Variants in CYP2W1 observed in about 807,000 individuals in gnomAD.
CYP2W1 encodes cytochrome P450 2W1.
Under a neutral mutation model 44.9 loss-of-function variants are expected in CYP2W1, and 51 were observed. The ratio of observed to expected loss-of-function variants is 1.14; its 90% CI spans 0.91 to 1.43. The LOEUF is 1.43. Ranked by LOEUF, CYP2W1 falls within the 40% of genes most tolerant of loss-of-function variation. CYP2W1 has a pLI of 0.00. For missense variants in CYP2W1, 746 were observed against 700.0 expected (o/e 1.07, Z -0.74); for synonymous variants, 383 against 338.3 (o/e 1.13, Z -1.45).
intron 7 of CYP2W1, 66 bp downstream of exon 7, chr7:987,597 C>A: frequency 1.4e-6 from 2 of 1,395,890 alleles, no homozygotes; most frequent in Non-Finnish European, 9.5e-7. Flanking sequence ...GGTCCAGGGG[C>A]ACTGGGACGG....
rs1848068709 is a variant in CYP2W1, at chr7:983,363, A to G, written c.152A>G (p.Gln51Arg). ...VGNLHLLRLS[Q>R]QDRSLMELSE... The stretch of plus-strand genomic sequence containing the variant: ...AACCTGCACTTGCTGCGTCTGTCGC[A>G]ACAGGACCGGTCCCTGATGGAGGTA... The change falls in exon 1 of 9, where the codon CAA (glutamine) becomes CGA (arginine). Residue 51 changes from glutamine (Q) to arginine (R), a missense_variant. Coordinates refer to ENST00000308919, the MANE Select transcript of CYP2W1 (RefSeq NM_017781.3). 1.3e-6 allele frequency: 2 copies of G among 1,531,868 alleles called. No homozygotes were observed. Among genetic ancestry groups the G allele is most frequent in the South Asian group, 1.2e-5 (1 of 83,238 alleles). 94.9% of individuals were successfully genotyped at this position (1,531,868 alleles called of 1,614,324 possible).
Position 987,385 on chromosome 7 carries a change from G to A in CYP2W1, c.997G>A (p.Gly333Arg), listed in dbSNP as rs1201705014. ...GGAGCTAGACCGCGTGCTGGGCCCTGGGCGGACTCCCCGGCTGGAGGACCA... is the reference window on the plus strand; with the variant it reads ...GGAGCTAGACCGCGTGCTGGGCCCTAGGCGGACTCCCCGGCTGGAGGACCA... ...QEELDRVLGPGRTPRLEDQQA... is the reference protein window; with the variant it reads ...QEELDRVLGPRRTPRLEDQQA... The change falls in exon 7 of 9, where the codon GGG (glycine) becomes AGG (arginine). Residue 333 changes from glycine to arginine, a missense_variant. Gly to Arg is a moderately radical substitution (Grantham distance 125). Coordinates refer to ENST00000308919, the MANE Select transcript of CYP2W1 (RefSeq NM_017781.3). The A allele has an allele frequency of 6.3e-7, 1 of 1,595,032 alleles. No individual in the cohort carries two copies. Among genetic ancestry groups the A allele is most frequent in the African/African-American group, 1.3e-5 (1 of 74,956 alleles).
chr7:984,977 G>A lies in CYP2W1; in HGVS notation c.365G>A (p.Trp122Ter). 6.2e-7 allele frequency: 1 copy of A among 1,607,776 alleles called. No individual in the cohort carries two copies. The highest frequency in any genetic ancestry group is 8.5e-7 in the Non-Finnish European group (1 of 1,179,232). The change falls in exon 3 of 9, where the codon TGG becomes TAG. Residue 122 changes from tryptophan to a stop codon, truncating the protein, a stop_gained. Coordinates refer to ENST00000308919, the MANE Select transcript of CYP2W1 (RefSeq NM_017781.3). LOFTEE classifies it high-confidence loss of function. Reference protein sequence around the residue: ...GGIFFSSGARWRAARQFTVRA... With the variant: ...GGIFFSSGAR ...ATCTTCTTCTCATCTGGGGCGCGCT[G>A]GAGGGCTGCCCGCCAGTTCACGGTG... is the stretch of plus-strand genomic sequence containing the variant.
In CYP2W1 at chr7:986,740, C is replaced by T. The variant is rs145537266; in HGVS notation, c.762C>T (p.His254=). The T allele has an allele frequency of 2.2e-5, 36 of 1,609,116 alleles. No homozygotes were observed. The East Asian group carries it at 2.7e-4, about 12-fold the overall frequency. Residue 254 remains histidine, a synonymous_variant, in exon 5 of 9, where the codon CAC becomes CAT. Transcript: ENST00000308919. ...LRTLLEARRP[H]VCPGDPVCSY... is the part of the protein sequence containing the mutation. Reference sequence around the variant, plus strand: ...CCCTCCTGGAGGCGCGGAGGCCCCACGTGTGCCCGGGGGACCCCGTGTGCA... The same window carrying T: ...CCCTCCTGGAGGCGCGGAGGCCCCATGTGTGCCCGGGGGACCCCGTGTGCA...
At position 989,378 on chromosome 7, in the gene CYP2W1, AG is replaced by A. The variant is rs1338434671; in HGVS notation, c.*558del. ...GGCCATGCGTATGACTGGTGCAGGGAGGCAAGGCCCACATTCTCCTTCAGAG... is the reference window on the plus strand; with the variant it reads ...GGCCATGCGTATGACTGGTGCAGGGAGCAAGGCCCACATTCTCCTTCAGAG... On this transcript the variant is annotated 3_prime_UTR_variant, in exon 9 of 9. Coordinates refer to ENST00000308919, the MANE Select transcript of CYP2W1 (RefSeq NM_017781.3). 6.5e-6 allele frequency: 1 copy of A among 154,982 alleles called. No homozygotes were observed. The highest frequency in any genetic ancestry group is 1.9e-4 in the East Asian group (1 of 5,232). The allele number at this position is 154,982 out of a possible 1,614,324, so 9.6% of individuals were successfully genotyped here.
At chr7:984,098 A>G (rs1848134494) in intron 1 of CYP2W1, among the ~76,000 whole-genome samples, 1 of 152,098 alleles carries the variant, frequency 6.6e-6, no homozygotes, top group African/African-American at 2.4e-5. Context: ...AGAATGTGCC[A>G]CCCCAGCAGA....
rs568151305 is a variant in CYP2W1 at position 984,855 on chromosome 7, G to A, written c.338-95G>A. 8 of 1,468,480 alleles carry A rather than the reference G, an allele frequency of 5.4e-6. No homozygotes were observed. In the Admixed American group the frequency reaches 1.1e-4, roughly 19 times the overall value. 91.0% of individuals were successfully genotyped at this position (1,468,480 alleles called of 1,614,324 possible). ...TGGGGGTGAGGGCCCAGCCAGTCTC[G>A]CTGCCCTGTCAGCCTGCTCACTTCC... On this transcript the variant is annotated intron_variant, in intron 2 of 8. Coordinates refer to ENST00000308919, the MANE Select transcript of CYP2W1 (RefSeq NM_017781.3).
Position 989,248 on chromosome 7 carries a change from T to G in CYP2W1, c.*426T>G, listed in dbSNP as rs1190609883. 5.2e-6 allele frequency: 1 copy of G among 191,802 alleles called. No homozygotes were observed. The highest frequency in any genetic ancestry group is 2.3e-5 in the African/African-American group (1 of 43,028). 11.9% of individuals were successfully genotyped at this position (191,802 alleles called of 1,614,324 possible). ...TGCGAGCCCTGCACCCCCCAGGTCC[T>G]GGGACTCCTGCAGACCCCACTCCAT... On this transcript the variant is annotated 3_prime_UTR_variant, in exon 9 of 9. Transcript: ENST00000308919.
chr7:987,251 AC>A lies in CYP2W1; in HGVS notation c.958+10del. 6.6e-7 allele frequency: 1 copy of A among 1,513,472 alleles called. No individual in the cohort carries two copies. Among genetic ancestry groups the A allele is most frequent in the Non-Finnish European group, 8.9e-7 (1 of 1,127,540 alleles). The allele number at this position is 1,513,472 out of a possible 1,614,324, so 93.8% of individuals were successfully genotyped here. ...CCGGCACCCGGACGTGCAGGGTGAGACCCCGGCGCCTGGCGAGACGGCTCCT... is the reference window on the plus strand; with the variant it reads ...CCGGCACCCGGACGTGCAGGGTGAGACCCGGCGCCTGGCGAGACGGCTCCT... On this transcript the variant is annotated splice_region_variant and intron_variant, in intron 6 of 8. Transcript: ENST00000308919.
At chr7:983,529 C>A in intron 1 of CYP2W1, 144 bp downstream of exon 1, 1 of 801,212 alleles carries the variant, frequency 1.2e-6, no homozygotes, top group Non-Finnish European at 1.8e-6. Context: ...CCGGAGGGCC[C>A]ACCCTGCTTT....
In CYP2W1 at chr7:987,388, C is replaced by G; in HGVS notation, c.1000C>G (p.Arg334Gly). Reference sequence around the variant, plus strand: ...GCTAGACCGCGTGCTGGGCCCTGGGCGGACTCCCCGGCTGGAGGACCAGCA... The same window carrying G: ...GCTAGACCGCGTGCTGGGCCCTGGGGGGACTCCCCGGCTGGAGGACCAGCA... ...EELDRVLGPG[R>G]TPRLEDQQAL... The change falls in exon 7 of 9, where the codon CGG becomes GGG. Residue 334 changes from arginine (R) to glycine (G), a missense_variant. Coordinates refer to ENST00000308919, the MANE Select transcript of CYP2W1 (RefSeq NM_017781.3). The G allele has an allele frequency of 6.3e-7, 1 of 1,594,628 alleles. No homozygotes were observed. Among genetic ancestry groups the G allele is most frequent in the Non-Finnish European group, 8.5e-7 (1 of 1,177,586 alleles).
intron 1 of CYP2W1, among the ~76,000 whole-genome samples, chr7:984,009 G>C (rs983821927): frequency 6.6e-6 from 1 of 152,150 alleles, no homozygotes; most frequent in Non-Finnish European, 1.5e-5. Flanking sequence ...GCTGCTGGCC[G>C]GGCTGTAGCC....
At position 984,442 on chromosome 7, in the gene CYP2W1, G is replaced by A. The variant is rs535558848; in HGVS notation, c.205G>A (p.Val69Met). 22 of 1,549,042 alleles carry A rather than the reference G, an allele frequency of 1.4e-5. No individual in the cohort carries two copies. Among genetic ancestry groups the A allele is most frequent in the Middle Eastern group, 1.7e-4 (1 of 6,014 alleles). The change falls in exon 2 of 9, where the codon GTG becomes ATG. Residue 69 changes from valine (V) to methionine (M), a missense_variant. Transcript: ENST00000308919. ...AGAACGCTACGGGCCGGTGTTCACCGTGCACCTGGGGCGCCAGAAGACGGT... is the reference window on the plus strand; with the variant it reads ...AGAACGCTACGGGCCGGTGTTCACCATGCACCTGGGGCGCCAGAAGACGGT... ...LSERYGPVFT[V>M]HLGRQKTVVL...
intron 4 of CYP2W1, among the ~76,000 whole-genome samples, chr7:985,735 C>T (rs1243074899): frequency 1.3e-5 from 2 of 152,164 alleles, no homozygotes; most frequent in African/African-American, 4.8e-5. Flanking sequence ...GTTTGGAACT[C>T]GTGTATTTCA....
rs570501933 is a variant in CYP2W1, at chr7:985,268, C to T, written c.590C>T (p.Ser197Phe). ...RFDYRDPVFV[S>F]LLGLIDEVMV... ...GACTACCGGGACCCCGTGTTTGTGT[C>T]CCTGCTGGGTCTCATCGATGAGGTC... Residue 197 changes from serine to phenylalanine, a missense_variant, in exon 4 of 9, where the codon TCC (serine) becomes TTC (phenylalanine). Transcript: ENST00000308919. 7.1e-6 allele frequency: 11 copies of T among 1,551,856 alleles called. No individual in the cohort carries two copies. In the Admixed American group the frequency reaches 2.0e-4, roughly 28 times the overall value.
In CYP2W1 at chr7:986,736, CCCA is replaced by C; in HGVS notation, c.760_762del (p.His254del). The C allele has an allele frequency of 6.2e-7, 1 of 1,609,342 alleles. No individual in the cohort carries two copies. Among genetic ancestry groups the C allele is most frequent in the Non-Finnish European group, 8.5e-7 (1 of 1,177,980 alleles). ...AGGACCCTCCTGGAGGCGCGGAGGC[CCCA>C]CGTGTGCCCGGGGGACCCCGTGTGC... On this transcript the variant is annotated inframe_deletion, in exon 5 of 9. Transcript: ENST00000308919.
intron 4 of CYP2W1, 68 bp downstream of exon 4, chr7:985,391 G>A (rs1848259277): frequency 5.3e-6 from 8 of 1,504,768 alleles, no homozygotes; most frequent in Middle Eastern, 2.0e-4. Context: ...GCAGGAGGAC[G>A]GGGGCCCCAG....
Position 988,333 on chromosome 7 carries a change from G to A in CYP2W1, c.1200G>A (p.Gln400=), listed in dbSNP as rs1399856453. Residue 400 remains glutamine (Q), a synonymous_variant, in exon 8 of 9, where the codon CAG becomes CAA. Coordinates refer to ENST00000308919, the MANE Select transcript of CYP2W1 (RefSeq NM_017781.3). ...TGCTCCTGGATGAGACACAGTGGCA[G>A]ACCCCAGGCCAGTTCAACCCCGGCC... is the stretch of plus-strand genomic sequence containing the variant. ...TSVLLDETQW[Q]TPGQFNPGHF... is the part of the protein sequence containing the mutation. 11 of 1,612,004 alleles carry A rather than the reference G, an allele frequency of 6.8e-6. No individual in the cohort carries two copies. Among genetic ancestry groups the A allele is most frequent in the Non-Finnish European group, 9.3e-6 (11 of 1,179,452 alleles).
intron 8 of CYP2W1, 61 bp downstream of exon 8, chr7:988,479 C>T: frequency 6.2e-7 from 1 of 1,604,094 alleles, no homozygotes; most frequent in Non-Finnish European, 8.5e-7. Flanking sequence ...GTGGGACGGC[C>T]CCAGCTCCGC....
Sources: allele counts gnomAD v4.1 joint callset (sites outside exome capture counted in the v4.1 genomes callset), GRCh38; gene constraint gnomAD v4.1.1; transcripts MANE v1.5; gene names NCBI Gene and HGNC (gene_info 2026-07-23, HGNC 2026-07-21).